Variants in ZC4H2 observed in about 807,000 individuals in gnomAD.
ZC4H2 encodes the protein zinc finger C4H2 domain-containing protein.
For synonymous variants in ZC4H2, 84 were observed against 66.3 expected, an observed-to-expected ratio of 1.27 and a Z score of -1.30; for missense variants, 137 against 173.9, an observed-to-expected ratio of 0.79 and a Z score of 1.19.
At chrX:65,028,399 T>C (rs1205593638) in intron 1 of ZC4H2, among the ~76,000 whole-genome samples, 1 of 112,379 alleles carries the variant, frequency 8.9e-6, no homozygotes, top group Non-Finnish European at 1.9e-5. Flanking sequence ...CCTTGGTGCA[T>C]ATATGCAGCT....
At chrX:65,030,116 AT>A (rs1179686095) in intron 1 of ZC4H2, among the ~76,000 whole-genome samples, 1 of 110,999 alleles carries the variant, frequency 9.0e-6, no homozygotes, top group Non-Finnish European at 1.9e-5. Context: ...TTATTTTTTT[AT>A]TTTTCTTTTT....
chrX:64,935,316 G>T (rs1330308183), intron 1 of ZC4H2, among the ~76,000 whole-genome samples: 4 of 111,981 alleles, frequency 3.6e-5, no homozygotes, highest in Non-Finnish European at 7.5e-5. Flanking sequence ...AAAGGCAGGA[G>T]CCCCAGTCAG....
intron 1 of ZC4H2, among the ~76,000 whole-genome samples, chrX:65,006,885 C>T (rs1332663762): frequency 8.9e-6 from 1 of 112,166 alleles, no homozygotes; most frequent in East Asian, 2.8e-4. Flanking sequence ...TGTCTCCTCT[C>T]TCCTTAACAA....
intron 1 of ZC4H2, among the ~76,000 whole-genome samples, chrX:64,942,011 C>T (rs933130801): frequency 4.8e-4 from 53 of 110,913 alleles, no homozygotes; most frequent in Non-Finnish European, 9.1e-4. Context: ...GCTGTGAATC[C>T]GCCTGGCCCT....
In ZC4H2 at chrX:64,918,030, T is replaced by A. The variant is rs184024617; in HGVS notation, c.562-134A>T. On this transcript the variant is annotated intron_variant, in intron 4 of 4. Transcript: ENST00000374839. The stretch of plus-strand genomic sequence containing the variant: ...AGAGAGCAATAATCAGTGAGTAGAC[T>A]CAAGTATTCTTGGATGCCATGGAAG... The A allele has an allele frequency of 1.4e-4, 104 of 728,351 alleles. No individual in the cohort carries two copies. The African/African-American group carries it at 2.2e-3, about 15-fold the overall frequency. The allele number at this position is 728,351 out of a possible 1,213,427, so 60.0% of individuals were successfully genotyped here. A position where few individuals can be genotyped will look rare whatever the true frequency, so the allele number is the denominator to read the frequency against.
chrX:64,924,979 TTCC>T (rs1929367093), intron 1 of ZC4H2, among the ~76,000 whole-genome samples: 1 of 111,475 alleles, frequency 9.0e-6, no homozygotes, highest in Non-Finnish European at 1.9e-5. Flanking sequence ...CAGCCTTGGC[TTCC>T]TCATCAGTAA....
chrX:64,999,529 T>A (rs1197862223), intron 1 of ZC4H2, among the ~76,000 whole-genome samples: 1 of 112,345 alleles, frequency 8.9e-6, no homozygotes, highest in African/African-American at 3.2e-5. Flanking sequence ...GGGCAGACAC[T>A]GAGCTAGCTG....
intron 1 of ZC4H2, among the ~76,000 whole-genome samples, chrX:65,003,950 T>C (rs975343155): frequency 2.7e-5 from 3 of 110,423 alleles, no homozygotes; most frequent in African/African-American, 9.9e-5. Context: ...CAGATAATAC[T>C]ATAAACACCT....
At chrX:64,958,618 C>T (rs1215343664) in intron 1 of ZC4H2, among the ~76,000 whole-genome samples, 1 of 111,312 alleles carries the variant, frequency 9.0e-6, no homozygotes, top group Admixed American at 9.6e-5. Context: ...AGTGAATAGC[C>T]TTGTACCTGT....
At chrX:64,932,182 C>T (rs1290459180) in intron 1 of ZC4H2, among the ~76,000 whole-genome samples, 1 of 110,593 alleles carries the variant, frequency 9.0e-6, no homozygotes, top group Non-Finnish European at 1.9e-5. Flanking sequence ...GCTACTCCTG[C>T]TTGCTTTTGG....
chrX:65,025,145 C>CTTTTT (rs1177199868), intron 1 of ZC4H2, among the ~76,000 whole-genome samples: 4 of 73,698 alleles, frequency 5.4e-5, no homozygotes, highest in Non-Finnish European at 1.0e-4. Flanking sequence ...TTGTTTTTTG[C>CTTTTT]TTTTTTTTTT....
chrX:64,979,806 G>T, upstream of ZC4H2, among the ~76,000 whole-genome samples: 1 of 107,894 alleles, frequency 9.3e-6, no homozygotes, highest in East Asian at 2.8e-4. Context: ...GATTTGAGGG[G>T]TTAGAAATAA....
At chrX:64,985,452 T>A (rs183394723) in intron 1 of ZC4H2, among the ~76,000 whole-genome samples, 1 of 111,851 alleles carries the variant, frequency 8.9e-6, no homozygotes, top group Admixed American at 9.5e-5. Flanking sequence ...TGTTGAAAAT[T>A]TCTTCATATG....
intron 1 of ZC4H2, among the ~76,000 whole-genome samples, chrX:65,003,705 G>A (rs181418629): frequency 1.3e-4 from 14 of 109,622 alleles, no homozygotes; most frequent in African/African-American, 1.7e-4. Context: ...GCGAAACCCC[G>A]TCTCTATTAA....
chrX:64,987,637 AC>A (rs1446278852), intron 1 of ZC4H2, among the ~76,000 whole-genome samples: 1 of 110,270 alleles, frequency 9.1e-6, no homozygotes, highest in African/African-American at 3.3e-5. Context: ...AACCTATAAA[AC>A]TTTTAGAAAA....
At chrX:64,945,947 C>T (rs765917244) in intron 1 of ZC4H2, among the ~76,000 whole-genome samples, 1 of 110,910 alleles carries the variant, frequency 9.0e-6, no homozygotes, top group East Asian at 2.9e-4. Context: ...GCTCGAGCAT[C>T]CCAGGTCAAC....
At chrX:65,013,292 T>C (rs1160192497) in intron 1 of ZC4H2, among the ~76,000 whole-genome samples, 1 of 111,346 alleles carries the variant, frequency 9.0e-6, no homozygotes, top group Non-Finnish European at 1.9e-5. Context: ...TGTGGAAGTA[T>C]TCATGTAATA....
Position 64,954,324 on chromosome X carries a change from ATATATATATATATAAT to A in ZC4H2, c.53+21985_53+22000del, listed in dbSNP as rs1444519030. Among the ~76,000 whole-genome samples the A allele has an allele frequency of 5.3e-3, 403 of 75,355 alleles. 15 individuals carry two copies. The highest frequency in any genetic ancestry group is 0.048 in the Admixed American group (324 of 6,682). 65.4% of individuals were successfully genotyped at this position (75,355 alleles called of 115,157 possible). A position where few individuals can be genotyped will look rare whatever the true frequency, so the allele number is the denominator to read the frequency against. On this transcript the variant is annotated intron_variant, in intron 1 of 4. Transcript: ENST00000374839. Reference sequence around the variant, plus strand: ...CCTAAAACTTAAAGTATAATTATATATATATATATATATAATTATATATATATATAATTATATATAT... The same window carrying A: ...CCTAAAACTTAAAGTATAATTATATATATATATATATATAATTATATATAT...
In ZC4H2 at chrX:64,935,641, G is replaced by A. The variant is rs748967623; in HGVS notation, c.54-13653C>T. ...CCAGAGGAAAGAACAGGCAGCAATC[G>A]TTGCCGTTCTTCAGCCTCCGCTGGT... On this transcript the variant is annotated intron_variant, in intron 1 of 4. Coordinates refer to ENST00000374839, the MANE Select transcript of ZC4H2 (RefSeq NM_018684.4). Among the ~76,000 whole-genome samples, 19 of 112,097 alleles carry A rather than the reference G, an allele frequency of 1.7e-4. No individual in the cohort carries two copies. The East Asian group carries it at 3.4e-3, about 20-fold the overall frequency.
Sources: allele counts gnomAD v4.1 joint callset (sites outside exome capture counted in the v4.1 genomes callset), GRCh38; gene constraint gnomAD v4.1.1; transcripts MANE v1.5; gene names NCBI Gene and HGNC (gene_info 2026-07-23, HGNC 2026-07-21).